The following DACH2 variants were observed in gnomAD, a reference collection of about 807,000 sequenced individuals.
The protein encoded by DACH2 is dachshund homolog 2.
DACH2 carries 17 observed loss-of-function variants against 35.8 expected under a neutral mutation model. The observed-to-expected ratio is 0.48, with a 90% CI of 0.33 to 0.71. The LOEUF (loss-of-function observed/expected upper bound fraction) is 0.71. Among genes scored for constraint, DACH2 ranks in the 30% least tolerant of loss-of-function variants. DACH2 has a pLI of 0.02. For missense variants in DACH2, 469 were observed against 472.7 expected (o/e 0.99, Z 0.07); for synonymous variants, 195 against 177.3 (o/e 1.10, Z -0.79).
chrX:86,272,906 C>T (rs995362923), intron 1 of DACH2, among the ~76,000 whole-genome samples: 3 of 111,485 alleles, frequency 2.7e-5, no homozygotes, highest in Non-Finnish European at 5.7e-5. Context: ...TATGTTGTAT[C>T]TGTTGACTGC....
intron 1 of DACH2, among the ~76,000 whole-genome samples, chrX:86,253,954 A>C (rs181867312): frequency 8.9e-6 from 1 of 112,009 alleles, no homozygotes; most frequent in Non-Finnish European, 1.9e-5. Context: ...TATTTATAGA[A>C]AAATCTATTA....
chrX:86,319,180 C>T, intron 1 of DACH2, among the ~76,000 whole-genome samples: 1 of 111,692 alleles, frequency 9.0e-6, no homozygotes. Context: ...GAAAAAAATA[C>T]CCTTCTGAAT....
chrX:86,642,632 AC>A (rs1319132598), intron 3 of DACH2, among the ~76,000 whole-genome samples: 3 of 112,117 alleles, frequency 2.7e-5, no homozygotes, highest in African/African-American at 9.7e-5. Context: ...AGAATTCTTC[AC>A]CCTAAAACAA....
At chrX:86,742,095 A>C (rs1376929939) in intron 7 of DACH2, among the ~76,000 whole-genome samples, 1 of 111,093 alleles carries the variant, frequency 9.0e-6, no homozygotes, top group Non-Finnish European at 1.9e-5. Flanking sequence ...AAATGTTGAC[A>C]ATATAGTTTA....
At chrX:86,344,849 TC>T (rs1460822504) in intron 1 of DACH2, among the ~76,000 whole-genome samples, 1 of 111,751 alleles carries the variant, frequency 8.9e-6, no homozygotes, top group African/African-American at 3.2e-5. Context: ...CTGGTTAACT[TC>T]TTTTTACAGG....
At chrX:86,500,037 T>C (rs1039249112) in intron 2 of DACH2, among the ~76,000 whole-genome samples, 39 of 111,788 alleles carry the variant, frequency 3.5e-4, no homozygotes, top group Admixed American at 2.7e-3. Flanking sequence ...GCTGGTTTTA[T>C]CACATCATTG....
chrX:86,827,884 G>A (rs1235383671), intron 11 of DACH2: 2 of 878,816 alleles, frequency 2.3e-6, no homozygotes, highest in African/African-American at 4.0e-5. Context: ...CTTAAAATAT[G>A]GAACCTTTAA....
chrX:86,605,818 T>G (rs1259481551), intron 3 of DACH2, among the ~76,000 whole-genome samples: 2 of 110,745 alleles, frequency 1.8e-5, no homozygotes, highest in African/African-American at 6.5e-5. Flanking sequence ...CTACTTCAAG[T>G]TCACTGTTTC....
At chrX:86,300,859 G>A (rs1260272297) in intron 1 of DACH2, among the ~76,000 whole-genome samples, 1 of 111,845 alleles carries the variant, frequency 8.9e-6, no homozygotes, top group African/African-American at 3.2e-5. Context: ...TGCTCATTCA[G>A]CTTCCTTTGA....
chrX:86,802,528 G>GAAAA (rs34700295), intron 7 of DACH2, among the ~76,000 whole-genome samples: 4 of 63,137 alleles, frequency 6.3e-5, no homozygotes, highest in Admixed American at 2.1e-4. Flanking sequence ...TTTCTTGGTT[G>GAAAA]AAAAAAAAAA....
chrX:86,365,222 A>G (rs978079277), intron 1 of DACH2, among the ~76,000 whole-genome samples: 1 of 110,851 alleles, frequency 9.0e-6, no homozygotes, highest in African/African-American at 3.3e-5. Context: ...TTTTGCTAAA[A>G]CATTAAAGTT....
chrX:86,229,929 T>G (rs1410642034), intron 1 of DACH2, among the ~76,000 whole-genome samples: 1 of 111,065 alleles, frequency 9.0e-6, no homozygotes, highest in African/African-American at 3.3e-5. Flanking sequence ...TCAGTTTGAC[T>G]TCCTTTTTAC....
chrX:86,752,260 TA>T (rs1473789852), intron 7 of DACH2, among the ~76,000 whole-genome samples: 1 of 111,697 alleles, frequency 9.0e-6, no homozygotes, highest in African/African-American at 3.2e-5. Context: ...ACATCCTTTC[TA>T]ATACTTATCT....
chrX:86,148,489 A>G lies in DACH2; in HGVS notation c.-132A>G. The stretch of plus-strand genomic sequence containing the variant: ...CTTGAGCGTGAGCCGGCTGCTGAAG[A>G]CTTGCGAACAGTTCGGAGCCAGCGA... On this transcript the variant is annotated 5_prime_UTR_variant, in exon 1 of 12. Coordinates refer to ENST00000373125, the MANE Select transcript of DACH2 (RefSeq NM_053281.3). 4 of 743,084 alleles carry G rather than the reference A, an allele frequency of 5.4e-6. No homozygotes were observed. Among genetic ancestry groups the G allele is most frequent in the Non-Finnish European group, 7.6e-6 (4 of 524,581 alleles). The allele number at this position is 743,084 out of a possible 1,213,427, so 61.2% of individuals were successfully genotyped here. A position where few individuals can be genotyped will look rare whatever the true frequency, so the allele number is the denominator to read the frequency against.
intron 4 of DACH2, among the ~76,000 whole-genome samples, chrX:86,675,688 A>G (rs1176829262): frequency 2.7e-5 from 3 of 111,764 alleles, no homozygotes; most frequent in Non-Finnish European, 3.8e-5. Context: ...CTGTCTCGAA[A>G]AAAAGTGATA....
intron 7 of DACH2, among the ~76,000 whole-genome samples, chrX:86,790,611 A>G (rs2042177992): frequency 9.0e-6 from 1 of 111,536 alleles, no homozygotes; most frequent in Non-Finnish European, 1.9e-5. Flanking sequence ...CAGTGATGCA[A>G]TCATATCTCA....
intron 7 of DACH2, among the ~76,000 whole-genome samples, chrX:86,791,201 A>G (rs2042183907): frequency 9.0e-6 from 1 of 110,919 alleles, no homozygotes; most frequent in Non-Finnish European, 1.9e-5. Context: ...GTTCAAACCC[A>G]TATTGTTCAA....
chrX:86,180,176 GTATATATA>G lies in DACH2; in HGVS notation c.488+31092_488+31099del, dbSNP rs72366047. On this transcript the variant is annotated intron_variant, in intron 1 of 11. Transcript: ENST00000373125. ...TGTCCCCTAGCAACCATGCTAAACC[GTATATATA>G]TATATATATATATATATATATATGG... Among the ~76,000 whole-genome samples, 108 of 42,912 alleles carry G rather than the reference GTATATATA, an allele frequency of 2.5e-3. 3 individuals carry two copies. The highest frequency in any genetic ancestry group is 9.7e-3 in the East Asian group (18 of 1,861). The allele number at this position is 42,912 out of a possible 115,157, so 37.3% of individuals were successfully genotyped here. A position where few individuals can be genotyped will look rare whatever the true frequency, so the allele number is the denominator to read the frequency against.
chrX:86,795,989 G>GC (rs1158606413), intron 7 of DACH2, among the ~76,000 whole-genome samples: 1 of 111,735 alleles, frequency 8.9e-6, no homozygotes, highest in African/African-American at 3.2e-5. Context: ...ATTGTGAAGA[G>GC]CGAAAGAACA....
Sources: allele counts gnomAD v4.1 joint callset (sites outside exome capture counted in the v4.1 genomes callset), GRCh38; gene constraint gnomAD v4.1.1; transcripts MANE v1.5; gene names NCBI Gene and HGNC (gene_info 2026-07-23, HGNC 2026-07-21).